PTGIS: variants seen among roughly 807,000 people sequenced by gnomAD.
The protein encoded by PTGIS is prostacyclin synthase.
Under a neutral mutation model 50.3 loss-of-function variants are expected in PTGIS, and 45 were observed. The ratio of observed to expected loss-of-function variants is 0.90; its 90% confidence interval spans 0.70 to 1.15. The LOEUF is 1.15. Ranked by LOEUF, PTGIS falls within the 50% of genes most tolerant of loss-of-function variation. The pLI, the probability that PTGIS is intolerant of heterozygous loss-of-function variation, is 0.00. For synonymous variants in PTGIS, 260 were observed against 267.7 expected (o/e 0.97, Z 0.28); for missense variants, 668 against 661.3 (o/e 1.01, Z -0.11).
chr20:49,537,165 C>T (rs867318203), intron 5 of PTGIS, among the ~76,000 whole-genome samples: 22 of 152,296 alleles, frequency 1.4e-4, no homozygotes, highest in Middle Eastern at 6.8e-3. Context: ...GACCTGGATT[C>T]CTATGGACCT....
intron 5 of PTGIS, among the ~76,000 whole-genome samples, chr20:49,534,597 G>A (rs1982024820): frequency 6.6e-6 from 1 of 152,138 alleles, no homozygotes; most frequent in Admixed American, 6.6e-5. Context: ...GGATGTGGCA[G>A]GTGCTTTATG....
chr20:49,525,027 C>T (rs1568673267), intron 5 of PTGIS, among the ~76,000 whole-genome samples: 1 of 152,220 alleles, frequency 6.6e-6, no homozygotes, highest in African/African-American at 2.4e-5. Flanking sequence ...CAGAGCAATG[C>T]CAGCCCATGT....
At chr20:49,523,978 C>T in intron 6 of PTGIS, 80 bp downstream of exon 6, 1 of 1,524,236 alleles carries the variant, frequency 6.6e-7, no homozygotes, top group Non-Finnish European at 9.0e-7. Flanking sequence ...CACAGGTGCA[C>T]AGACATGCAC....
At chr20:49,544,998 A>T (rs572436040) in intron 3 of PTGIS, among the ~76,000 whole-genome samples, 72 of 152,312 alleles carry the variant, frequency 4.7e-4, no homozygotes, top group Middle Eastern at 6.8e-3. Flanking sequence ...CTGGCCAGGC[A>T]TGGTGGCTCC....
Position 49,539,605 on chromosome 20 carries a change from A to G in PTGIS, c.638T>C (p.Leu213Pro). 6.2e-7 allele frequency: 1 copy of G among 1,614,012 alleles called. No individual in the cohort carries two copies. The highest frequency in any genetic ancestry group is 1.1e-5 in the South Asian group (1 of 91,016). ...GGAGCCACGGGCCAGTTTGGGGAGC[A>G]GCCGGTCGAGCTGGCGAAAGGTGTG... The part of the protein sequence containing the change: ...VFHTFRQLDR[L>P]LPKLARGSLS... Residue 213 changes from leucine to proline, a missense_variant, in exon 5 of 10, where the codon CTG becomes CCG. By Grantham distance (98) the Leu-to-Pro change is moderately conservative (BLOSUM62 -3). Transcript: ENST00000244043.
chr20:49,568,086 C>T lies in PTGIS; in HGVS notation c.31G>A (p.Ala11Thr). 6.8e-7 allele frequency: 1 copy of T among 1,466,596 alleles called. No individual in the cohort carries two copies. Among genetic ancestry groups the T allele is most frequent in the Non-Finnish European group, 9.0e-7 (1 of 1,116,072 alleles). The allele number at this position is 1,466,596 out of a possible 1,614,324, so 90.8% of individuals were successfully genotyped here. A position where few individuals can be genotyped will look rare whatever the true frequency, so the allele number is the denominator to read the frequency against. Residue 11 changes from alanine (A) to threonine (T), a missense_variant, in exon 1 of 10, where the codon GCC becomes ACC. Transcript: ENST00000244043. Reference sequence around the variant, plus strand: ...AGTAGCAGCAGCAGCAACAGTGCGGCCAGGAGGCCGAGGAGCGCGGCCCAA... The same window carrying T: ...AGTAGCAGCAGCAGCAACAGTGCGGTCAGGAGGCCGAGGAGCGCGGCCCAA... MAWAALLGLL[A>T]ALLLLLLLSR...
intron 5 of PTGIS, among the ~76,000 whole-genome samples, chr20:49,538,891 AG>A (rs886343380): frequency 1.3e-5 from 2 of 152,036 alleles, no homozygotes; most frequent in African/African-American, 4.8e-5. Flanking sequence ...CATGTTGACC[AG>A]GCTGATCTCA....
chr20:49,559,505 A>G (rs1982709746), intron 1 of PTGIS, among the ~76,000 whole-genome samples: 1 of 152,332 alleles, frequency 6.6e-6, no homozygotes, highest in African/African-American at 2.4e-5. Flanking sequence ...CTTTCGGGTG[A>G]CAGCAGCATT....
chr20:49,528,031 T>C lies in PTGIS; in HGVS notation c.674-3792A>G, dbSNP rs143734251. 3.0e-4 allele frequency among the ~76,000 whole-genome samples: 46 copies of C among 152,034 alleles called. 1 individual carries two copies. The highest frequency in any genetic ancestry group is 1.1e-3 in the African/African-American group (45 of 41,458). ...GGCAGGCACCTGTAATCCCAGTTAC[T>C]TGGGAGGCTGAGGCAGCAGAATCAC... On this transcript the variant is annotated intron_variant, in intron 5 of 9. Coordinates refer to ENST00000244043, the MANE Select transcript of PTGIS (RefSeq NM_000961.4).
intron 1 of PTGIS, among the ~76,000 whole-genome samples, chr20:49,558,946 C>T (rs1286050765): frequency 6.6e-6 from 1 of 152,094 alleles, no homozygotes; most frequent in African/African-American, 2.4e-5. Context: ...CTCCTGATCT[C>T]AGGTGATCCA....
At chr20:49,567,877 C>A (rs1415741732) in intron 1 of PTGIS, among the ~76,000 whole-genome samples, 166 bp downstream of exon 1, 2 of 152,002 alleles carry the variant, frequency 1.3e-5, no homozygotes, top group African/African-American at 4.8e-5. Flanking sequence ...GCCCCCTCAC[C>A]CACGTGCGGG....
At chr20:49,536,452 TC>T (rs1489569701) in intron 5 of PTGIS, among the ~76,000 whole-genome samples, 3 of 150,566 alleles carry the variant, frequency 2.0e-5, no homozygotes, top group African/African-American at 7.3e-5. Context: ...TTTCTTTTTT[TC>T]TTTTCTTTCT....
chr20:49,556,856 A>G (rs1009538786), intron 1 of PTGIS, among the ~76,000 whole-genome samples: 9 of 152,032 alleles, frequency 5.9e-5, no homozygotes, highest in African/African-American at 1.7e-4. Flanking sequence ...GAATGTTTTC[A>G]ATGTTTTCCC....
intron 6 of PTGIS, among the ~76,000 whole-genome samples, chr20:49,514,658 C>T (rs1331873234): frequency 6.6e-6 from 1 of 152,134 alleles, no homozygotes; most frequent in East Asian, 1.9e-4. Context: ...AGGTAATCTT[C>T]ATAGCTAATC....
intron 1 of PTGIS, among the ~76,000 whole-genome samples, chr20:49,559,722 C>G (rs1414841981): frequency 6.6e-6 from 1 of 152,062 alleles, no homozygotes; most frequent in Non-Finnish European, 1.5e-5. Context: ...TGTATTAATT[C>G]ATTTATATGA....
In PTGIS at chr20:49,528,095, G is replaced by A. The variant is rs141818499; in HGVS notation, c.674-3856C>T. Among the ~76,000 whole-genome samples, 176 of 152,254 alleles carry A rather than the reference G, an allele frequency of 1.2e-3. 6 individuals carry two copies. In the East Asian group the frequency reaches 0.022, roughly 19 times the overall value. ...GTGGAGGTTGCAGTGAGCTGAGATG[G>A]AGCCACTGCACTCCAGCCTGGGTGA... On this transcript the variant is annotated intron_variant, in intron 5 of 9. Transcript: ENST00000244043.
chr20:49,521,758 C>T (rs934287219), intron 6 of PTGIS, among the ~76,000 whole-genome samples: 1 of 152,142 alleles, frequency 6.6e-6, no homozygotes, highest in Non-Finnish European at 1.5e-5. Flanking sequence ...GTGCAACTGT[C>T]ACCGTCGAAG....
At position 49,507,909 on chromosome 20, in the gene PTGIS, T is replaced by C. The variant is rs370593230; in HGVS notation, c.*11A>G. ...GCAGAGGCGAGCACGTGGATCCATCTGCTCCCTGTGTCATGGGCGGATGCG... is the reference window on the plus strand; with the variant it reads ...GCAGAGGCGAGCACGTGGATCCATCCGCTCCCTGTGTCATGGGCGGATGCG... On this transcript the variant is annotated 3_prime_UTR_variant, in exon 10 of 10. Coordinates refer to ENST00000244043, the MANE Select transcript of PTGIS (RefSeq NM_000961.4). 22 of 1,610,550 alleles carry C rather than the reference T, an allele frequency of 1.4e-5. No individual in the cohort carries two copies. The African/African-American group carries it at 2.3e-4, about 17-fold the overall frequency.
At chr20:49,555,946 C>T (rs1982614721) in intron 1 of PTGIS, among the ~76,000 whole-genome samples, 1 of 152,192 alleles carries the variant, frequency 6.6e-6, no homozygotes, top group African/African-American at 2.4e-5. Context: ...GACTGCTAAT[C>T]CCATCTTGAG....
Sources: gnomAD v4.1 joint callset for allele counts (sites outside exome capture counted in the v4.1 genomes callset) on GRCh38, gnomAD v4.1.1 for gene constraint, MANE v1.5 for transcripts, NCBI Gene and HGNC (gene_info 2026-07-23, HGNC 2026-07-21) for gene names.